HELB: variants seen among roughly 807,000 people sequenced by gnomAD.
HELB encodes the protein DNA helicase B.
A neutral mutation model predicts 101.7 loss-of-function variants in HELB; 96 were observed. The ratio of observed to expected loss-of-function variants is 0.94; its 90% CI spans 0.80 to 1.12. The LOEUF is 1.12. Among genes scored for constraint, HELB ranks in the 50% most tolerant of loss-of-function variants. The probability of loss-of-function intolerance (pLI) is 0.00; values close to 1 mark genes in which losing one functional copy is unlikely to be tolerated. For synonymous variants in HELB, 437 were observed against 459.7 expected (o/e 0.95, Z 0.63); for missense variants, 1,210 against 1,291.9 (o/e 0.94, Z 0.97).
At position 66,337,418 on chromosome 12, in the gene HELB, C is replaced by A. The variant is rs147100152; in HGVS notation, c.3163-583C>A. On this transcript the variant is annotated intron_variant, in intron 12 of 12. Coordinates refer to ENST00000247815, the MANE Select transcript of HELB (RefSeq NM_001370285.1). ...AAGAGAGGCAATTCCAAAGAAAGACCCTTTTCCTAAAATTGAATTGTGCTT... is the reference window on the plus strand; with the variant it reads ...AAGAGAGGCAATTCCAAAGAAAGACACTTTTCCTAAAATTGAATTGTGCTT... Among the ~76,000 whole-genome samples the A allele has an allele frequency of 9.5e-3, 1,447 of 152,086 alleles. 23 individuals are homozygous for A. Among genetic ancestry groups the A allele is most frequent in the African/African-American group, 0.034 (1,399 of 41,482 alleles).
At chr12:66,322,929 A>C (rs2053689028) in intron 9 of HELB, 146 bp downstream of exon 9, 1 of 491,494 alleles carries the variant, frequency 2.0e-6, no homozygotes, top group Non-Finnish European at 3.7e-6. Flanking sequence ...GATCTCTTCA[A>C]TTAAATACAA....
In HELB at chr12:66,310,506, A is replaced by G; in HGVS notation, c.1578A>G (p.Leu526=). ...EWITFTEQSQ[L]EADKAIEVLL... The stretch of plus-strand genomic sequence containing the variant: ...TTACCTTTACTGAGCAAAGTCAACT[A>G]GAGGCGGACAAGGCTATAGAAGTTT... Residue 526 remains leucine, a synonymous_variant, in exon 4 of 13, where the codon CTA becomes CTG. Transcript: ENST00000247815. The G allele has an allele frequency of 6.2e-7, 1 of 1,614,274 alleles. No homozygotes were observed. The highest frequency in any genetic ancestry group is 1.1e-5 in the South Asian group (1 of 91,086).
At chr12:66,308,043 T>A (rs1172511765) in intron 3 of HELB, among the ~76,000 whole-genome samples, 8 of 108,022 alleles carry the variant, frequency 7.4e-5, no homozygotes, top group African/African-American at 1.1e-4. Context: ...CTACCTCCTC[T>A]AAAAAAAAAA....
chr12:66,317,690 A>C (rs891927269), intron 6 of HELB, among the ~76,000 whole-genome samples: 1 of 152,196 alleles, frequency 6.6e-6, no homozygotes, highest in African/African-American at 2.4e-5. Flanking sequence ...TTTATTGACT[A>C]TGAAGGATCC....
chr12:66,337,961 T>A (rs1449909300), intron 12 of HELB, 40 bp from the exon 13 acceptor site: 2 of 1,222,892 alleles, frequency 1.6e-6, no homozygotes, highest in Admixed American at 3.6e-5. Context: ...CTAACTACAT[T>A]TTTACAAAAT....
At chr12:66,317,715 G>A (rs1156271494) in intron 6 of HELB, among the ~76,000 whole-genome samples, 1 of 152,136 alleles carries the variant, frequency 6.6e-6, no homozygotes, top group Non-Finnish European at 1.5e-5. Context: ...TATATACCAG[G>A]GAAACGGTCC....
At chr12:66,330,535 CTA>C (rs1403678561) in intron 11 of HELB, among the ~76,000 whole-genome samples, 1 of 149,548 alleles carries the variant, frequency 6.7e-6, no homozygotes, top group African/African-American at 2.4e-5. Flanking sequence ...TGACCATTCT[CTA>C]TGTGTGTGTG....
chr12:66,322,582 AGAT>A (rs2137005559), intron 8 of HELB, 139 bp from the exon 9 acceptor site: 10 of 437,864 alleles, frequency 2.3e-5, no homozygotes, highest in Non-Finnish European at 8.1e-6. Context: ...AAAAAAAAAA[AGAT>A]AAAAAGTAGA....
chr12:66,333,047 C>T (rs1052544606), intron 12 of HELB, among the ~76,000 whole-genome samples: 8 of 151,858 alleles, frequency 5.3e-5, no homozygotes, highest in Non-Finnish European at 7.4e-5. Flanking sequence ...AAACATTTAG[C>T]AAAACATTGA....
intron 5 of HELB, among the ~76,000 whole-genome samples, chr12:66,314,998 T>G (rs2053586879): frequency 6.6e-6 from 1 of 152,036 alleles, no homozygotes; most frequent in Non-Finnish European, 1.5e-5. Flanking sequence ...GGCCTGTTTT[T>G]TTTTTCCCCT....
chr12:66,332,325 G>A (rs747286183), intron 12 of HELB, among the ~76,000 whole-genome samples: 3 of 152,046 alleles, frequency 2.0e-5, no homozygotes, highest in Non-Finnish European at 4.4e-5. Context: ...TCCCATTCTC[G>A]TAATGTAGCA....
chr12:66,326,798 G>A (rs1295593373), intron 11 of HELB, among the ~76,000 whole-genome samples: 5 of 149,806 alleles, frequency 3.3e-5, no homozygotes, highest in Admixed American at 6.7e-5. Flanking sequence ...TTGGGAGGCC[G>A]AGGTAGGTGG....
Position 66,324,025 on chromosome 12 carries a change from T to C in HELB, c.2340T>C (p.Ile780=). The part of the protein sequence containing the change: ...SRLVFGIGDK[I]CCTRNAYLSD... ...TTGTTTTTGGAATTGGTGATAAAAT[T>C]TGTTGTACCAGGAATGCATACCTCT... The change falls in exon 10 of 13, where the codon ATT becomes ATC. Residue 780 remains isoleucine (I), a synonymous_variant. Transcript: ENST00000247815. The C allele has an allele frequency of 6.2e-7, 1 of 1,613,458 alleles. No individual in the cohort carries two copies. Among genetic ancestry groups the C allele is most frequent in the Middle Eastern group, 1.7e-4 (1 of 6,058 alleles).
intron 11 of HELB, among the ~76,000 whole-genome samples, chr12:66,326,706 A>C (rs1428552439): frequency 2.7e-5 from 4 of 148,158 alleles, no homozygotes. Context: ...CTTATTAAAA[A>C]TGCCCACAAT....
chr12:66,337,783 A>T (rs760835944), intron 12 of HELB, among the ~76,000 whole-genome samples: 1 of 152,186 alleles, frequency 6.6e-6, no homozygotes, highest in Non-Finnish European at 1.5e-5. Flanking sequence ...GTTACTTCTA[A>T]ATGCCAGACC....
chr12:66,321,697 G>T, intron 7 of HELB: 1 of 375,990 alleles, frequency 2.7e-6, no homozygotes, highest in Admixed American at 4.5e-5. Flanking sequence ...ATTACAAATG[G>T]GGAACTGTCC....
Position 66,331,221 on chromosome 12 carries a change from A to G in HELB, c.2738A>G (p.Tyr913Cys). The G allele has an allele frequency of 6.2e-7, 1 of 1,614,118 alleles. No individual in the cohort carries two copies. Among genetic ancestry groups the G allele is most frequent in the Non-Finnish European group, 8.5e-7 (1 of 1,179,966 alleles). The change falls in exon 12 of 13, where the codon TAC (tyrosine) becomes TGC (cysteine). Residue 913 changes from tyrosine (Y) to cysteine (C), a missense_variant. Tyr to Cys is a radical substitution (Grantham distance 194, BLOSUM62 -2). Around this residue, in one of 2 missense-constraint regions of HELB, gnomAD observed 740 missense variants for 728.8 expected, o/e 1.02. Transcript: ENST00000247815. ...KAGRQHWQHVYTAVTRGRCRV... is the reference protein window; with the variant it reads ...KAGRQHWQHVCTAVTRGRCRV... ...GGCCGCCAGCACTGGCAGCATGTCT[A>G]CACCGCCGTGACCAGGGGCCGCTGC...
At chr12:66,314,617 G>A (rs2053581004) in intron 5 of HELB, among the ~76,000 whole-genome samples, 1 of 152,070 alleles carries the variant, frequency 6.6e-6, no homozygotes, top group African/African-American at 2.4e-5. Context: ...ATGCTCTGTA[G>A]ACCATATGAT....
intron 11 of HELB, 121 bp from the exon 12 acceptor site, chr12:66,331,033 A>C: frequency 1.9e-6 from 2 of 1,063,744 alleles, no homozygotes; most frequent in Non-Finnish European, 2.7e-6. Context: ...GACACATAAT[A>C]ATAGTCTGGC....
Sources: allele counts gnomAD v4.1 joint callset (sites outside exome capture counted in the v4.1 genomes callset), GRCh38; gene constraint gnomAD v4.1.1; regional missense constraint gnomAD v4.1.1; transcripts MANE v1.5; gene names NCBI Gene and HGNC (gene_info 2026-07-23, HGNC 2026-07-21).